MAGI2: variants seen among roughly 807,000 people sequenced by gnomAD.
MAGI2 encodes membrane-associated guanylate kinase, WW and PDZ domain-containing protein 2.
A neutral mutation model predicts 133.3 loss-of-function variants in MAGI2; 35 were observed. The ratio of observed to expected loss-of-function variants is 0.26; its 90% CI spans 0.20 to 0.35. The LOEUF (loss-of-function observed/expected upper bound fraction) is 0.35. Among genes scored for constraint, MAGI2 ranks in the 10% least tolerant of loss-of-function variants. The pLI is 1.00. For missense variants in MAGI2, 1,636 were observed against 1,863.4 expected (o/e 0.88, Z 2.25); for synonymous variants, 729 against 710.6 (o/e 1.03, Z -0.41).
At chr7:78,265,303 C>T (rs1206976501) in intron 9 of MAGI2, among the ~76,000 whole-genome samples, 1 of 152,168 alleles carries the variant, frequency 6.6e-6, no homozygotes, top group Non-Finnish European at 1.5e-5. Context: ...GATGAAACAA[C>T]ACTTCAGATT....
chr7:78,517,000 T>G (rs1250431229), intron 4 of MAGI2, among the ~76,000 whole-genome samples: 1 of 152,206 alleles, frequency 6.6e-6, no homozygotes, highest in Admixed American at 6.5e-5. Context: ...TGCATTTAAG[T>G]TGCAGAAGTA....
At chr7:78,102,801 G>A (rs1173005229) in intron 20 of MAGI2, among the ~76,000 whole-genome samples, 1 of 152,224 alleles carries the variant, frequency 6.6e-6, no homozygotes, top group East Asian at 1.9e-4. Context: ...ACTTGAGAAA[G>A]GCAATAGATA....
chr7:79,076,501 A>G (rs1562864082), intron 1 of MAGI2, among the ~76,000 whole-genome samples: 1 of 152,212 alleles, frequency 6.6e-6, no homozygotes, highest in East Asian at 1.9e-4. Context: ...TTGAGATGTC[A>G]TTATCAACAA....
intron 2 of MAGI2, among the ~76,000 whole-genome samples, chr7:78,961,193 A>T (rs559381573): frequency 6.6e-6 from 1 of 152,224 alleles, no homozygotes; most frequent in East Asian, 1.9e-4. Context: ...AACTTTATTG[A>T]GTAGCTCAAA....
At chr7:78,138,824 T>C (rs1247012724) in intron 16 of MAGI2, among the ~76,000 whole-genome samples, 1 of 152,198 alleles carries the variant, frequency 6.6e-6, no homozygotes, top group Non-Finnish European at 1.5e-5. Context: ...AGAAAACAAG[T>C]GTCAAAGGCA....
intron 2 of MAGI2, among the ~76,000 whole-genome samples, chr7:78,855,693 T>C (rs1275673328): frequency 6.6e-6 from 1 of 152,218 alleles, no homozygotes; most frequent in Non-Finnish European, 1.5e-5. Flanking sequence ...TTTGCTATTG[T>C]GAATAGTGCC....
At chr7:78,197,795 C>G (rs887035886) in intron 11 of MAGI2, 41 of 152,360 alleles carry the variant, frequency 2.7e-4, no homozygotes, top group Admixed American at 1.1e-3. Flanking sequence ...CTGTTCCCCA[C>G]CACCTCCTGC....
At chr7:79,000,106 T>C (rs1430299947) in intron 2 of MAGI2, 1 of 152,194 alleles carries the variant, frequency 6.6e-6, no homozygotes, top group African/African-American at 2.4e-5. Flanking sequence ...TTCAGTTGGA[T>C]ATATTGCTTC....
intron 7 of MAGI2, chr7:78,350,466 G>A (rs1047020201): frequency 3.9e-5 from 6 of 152,206 alleles, no homozygotes; most frequent in African/African-American, 1.2e-4. Context: ...GTGCAGCTAC[G>A]GCTGTGATCC....
chr7:78,296,208 T>C (rs1471869943), intron 9 of MAGI2, among the ~76,000 whole-genome samples: 1 of 152,206 alleles, frequency 6.6e-6, no homozygotes, highest in Non-Finnish European at 1.5e-5. Context: ...TTACTCATCA[T>C]GTTTAGAATG....
intron 6 of MAGI2, among the ~76,000 whole-genome samples, chr7:78,380,386 A>G (rs1238401718): frequency 6.6e-6 from 1 of 152,160 alleles, no homozygotes; most frequent in Non-Finnish European, 1.5e-5. Flanking sequence ...GATGTGCTAT[A>G]TATATACAAT....
intron 7 of MAGI2, among the ~76,000 whole-genome samples, chr7:78,350,794 A>C (rs1791428483): frequency 6.6e-6 from 1 of 152,170 alleles, no homozygotes; most frequent in African/African-American, 2.4e-5. Flanking sequence ...ATCAGTATGC[A>C]CAGGACAGGT....
chr7:79,341,416 C>A (rs546597394), intron 1 of MAGI2, among the ~76,000 whole-genome samples: 1 of 151,940 alleles, frequency 6.6e-6, no homozygotes, highest in Admixed American at 6.6e-5. Flanking sequence ...AAAAACAGCA[C>A]CCTTAAGCAA....
At chr7:78,791,302 G>T (rs1446266702) in intron 2 of MAGI2, among the ~76,000 whole-genome samples, 1 of 152,082 alleles carries the variant, frequency 6.6e-6, no homozygotes, top group Non-Finnish European at 1.5e-5. Flanking sequence ...CTTTGAAATT[G>T]GAAAAGTTTT....
At chr7:79,000,311 A>T (rs1333236707) in intron 2 of MAGI2, 1 of 152,192 alleles carries the variant, frequency 6.6e-6, no homozygotes, top group African/African-American at 2.4e-5. Flanking sequence ...TTCTTACAAC[A>T]TGTTTAGAAA....
At chr7:78,932,083 T>C (rs958988663) in intron 2 of MAGI2, among the ~76,000 whole-genome samples, 2 of 151,632 alleles carry the variant, frequency 1.3e-5, no homozygotes, top group African/African-American at 4.8e-5. Context: ...TTTGGCTGTA[T>C]TGCATCTTTT....
intron 1 of MAGI2, among the ~76,000 whole-genome samples, chr7:79,398,084 T>C (rs1845190461): frequency 6.6e-6 from 1 of 152,206 alleles, no homozygotes; most frequent in African/African-American, 2.4e-5. Context: ...ATACATCTAT[T>C]TTAGCATAAG....
chr7:79,045,179 C>G (rs114613425), intron 1 of MAGI2, among the ~76,000 whole-genome samples: 1,948 of 152,234 alleles, frequency 0.013, 49 homozygotes, highest in African/African-American at 0.045. Flanking sequence ...TAAATGTAAT[C>G]TATAGTGATA....
At chr7:79,316,271 C>G (rs1405585981) in intron 1 of MAGI2, among the ~76,000 whole-genome samples, 1 of 152,000 alleles carries the variant, frequency 6.6e-6, no homozygotes, top group Non-Finnish European at 1.5e-5. Flanking sequence ...ACCACCACCC[C>G]CCCACTCCAA....
Sources: allele counts gnomAD v4.1 joint callset (sites outside exome capture counted in the v4.1 genomes callset), GRCh38; gene constraint gnomAD v4.1.1; transcripts MANE v1.5; gene names NCBI Gene and HGNC (gene_info 2026-07-23, HGNC 2026-07-21).